MAF: variants seen among roughly 807,000 people sequenced by gnomAD.
MAF encodes the protein transcription factor Maf.
A neutral mutation model predicts 22.0 loss-of-function variants in MAF; 10 were observed. That is an observed-to-expected ratio of 0.45 (90% CI 0.28 to 0.77). The LOEUF is 0.77. Among genes scored for constraint, MAF ranks in the 30% least tolerant of loss-of-function variants. The pLI is 0.12. For missense variants in MAF, 544 were observed against 548.4 expected, an observed-to-expected ratio of 0.99 and a Z score of 0.08; for synonymous variants, 337 against 255.8, an observed-to-expected ratio of 1.32 and a Z score of -3.03.
chr16:79,318,090 T>C, the MAF span, among the ~76,000 whole-genome samples: 3 of 152,220 alleles, frequency 2.0e-5, no homozygotes, highest in Non-Finnish European at 4.4e-5. Context: ...TCCAAATATG[T>C]CTTGAGCACT....
the MAF span, among the ~76,000 whole-genome samples, chr16:79,570,919 A>G: frequency 6.6e-6 from 1 of 152,168 alleles, no homozygotes; most frequent in Non-Finnish European, 1.5e-5. Flanking sequence ...CACTTAACAG[A>G]TGCCGCCTGG....
chr16:79,338,034 G>C, the MAF span, among the ~76,000 whole-genome samples: 1,072 of 152,256 alleles, frequency 7.0e-3, 5 homozygotes, highest in Non-Finnish European at 0.012. Context: ...GAAATAAATA[G>C]GACGAGTCCC....
the MAF span, among the ~76,000 whole-genome samples, chr16:79,456,458 G>A: frequency 6.6e-6 from 1 of 152,174 alleles, no homozygotes; most frequent in Non-Finnish European, 1.5e-5. Context: ...AGGAATTAGA[G>A]CCTCAGGGGT....
At chr16:79,504,634 T>C in the MAF span, among the ~76,000 whole-genome samples, 4 of 151,970 alleles carry the variant, frequency 2.6e-5, no homozygotes, top group East Asian at 7.7e-4. Context: ...GATGGGTGAA[T>C]GGATGGATAA....
chr16:79,274,388 C>T, the MAF span, among the ~76,000 whole-genome samples: 1 of 152,056 alleles, frequency 6.6e-6, no homozygotes, highest in South Asian at 2.1e-4. Context: ...AGCTGAGATT[C>T]AGGTTGCGCA....
At chr16:79,435,168 A>G in the MAF span, among the ~76,000 whole-genome samples, 1 of 152,154 alleles carries the variant, frequency 6.6e-6, no homozygotes, top group Non-Finnish European at 1.5e-5. Context: ...ATACCTATGC[A>G]CGGACACACG....
At chr16:79,470,146 A>T in the MAF span, among the ~76,000 whole-genome samples, 1 of 152,200 alleles carries the variant, frequency 6.6e-6, no homozygotes, top group Non-Finnish European at 1.5e-5. Context: ...ATGTGCTTAC[A>T]TTTGGAACAT....
chr16:79,329,618 G>C, the MAF span, among the ~76,000 whole-genome samples: 2 of 152,148 alleles, frequency 1.3e-5, no homozygotes, highest in South Asian at 2.1e-4. Context: ...GTTCATATCA[G>C]TCACGGTGTC....
the MAF span, among the ~76,000 whole-genome samples, chr16:79,277,308 G>A: frequency 5.6e-4 from 85 of 152,286 alleles, no homozygotes; most frequent in South Asian, 0.017. Flanking sequence ...ACCTCAGTAT[G>A]ACTTTTGGGG....
the MAF span, among the ~76,000 whole-genome samples, chr16:79,555,001 A>C: frequency 2.6e-5 from 4 of 152,140 alleles, no homozygotes; most frequent in Non-Finnish European, 4.4e-5. Flanking sequence ...AGTCTGGTGA[A>C]GAACTGGTGG....
the MAF span, among the ~76,000 whole-genome samples, chr16:79,328,204 G>C: frequency 6.6e-6 from 1 of 151,900 alleles, no homozygotes. Context: ...TTTTTTCTTC[G>C]CTTATTTTCA....
intron 1 of MAF, chr16:79,595,808 T>C: frequency 9.5e-7 from 1 of 1,057,518 alleles, no homozygotes. Context: ...CCACTGAATA[T>C]TCACGGTGAA....
chr16:79,401,213 A>G, the MAF span, among the ~76,000 whole-genome samples: 3 of 152,172 alleles, frequency 2.0e-5, no homozygotes, highest in Non-Finnish European at 4.4e-5. Flanking sequence ...TCTTTAAGCT[A>G]AGTGCATTTC....
the MAF span, among the ~76,000 whole-genome samples, chr16:79,284,942 G>A: frequency 6.6e-6 from 1 of 152,142 alleles, no homozygotes. Context: ...ACGAAGGCAC[G>A]CGGCTCTCTT....
chr16:79,485,810 A>G, the MAF span, among the ~76,000 whole-genome samples: 3 of 152,182 alleles, frequency 2.0e-5, no homozygotes, highest in Non-Finnish European at 2.9e-5. Flanking sequence ...GCCAAACAGA[A>G]GTAAGCTACA....
the MAF span, among the ~76,000 whole-genome samples, chr16:79,487,560 A>G: frequency 6.6e-6 from 1 of 152,312 alleles, no homozygotes; most frequent in Admixed American, 6.5e-5. Context: ...AAAATGAAGA[A>G]AAAGAACAGG....
chr16:79,551,025 C>G, the MAF span, among the ~76,000 whole-genome samples: 1 of 152,142 alleles, frequency 6.6e-6, no homozygotes, highest in Non-Finnish European at 1.5e-5. Context: ...TGGGGAGCAG[C>G]AAACACCTAC....
the MAF span, chr16:79,211,565 CTTTTCTTAAAATTTT>C: frequency 6.2e-7 from 1 of 1,613,652 alleles, no homozygotes; most frequent in Non-Finnish European, 8.5e-7. Context: ...CTCATCACTC[CTTTTCTTAAAATTTT>C]TTTTTGTCTT....
At chr16:79,375,159 G>A in the MAF span, among the ~76,000 whole-genome samples, 5 of 152,310 alleles carry the variant, frequency 3.3e-5, no homozygotes, top group East Asian at 9.6e-4. Context: ...TGTAAAAAGT[G>A]GATGGCTATT....
Sources: allele counts gnomAD v4.1 joint callset (sites outside exome capture counted in the v4.1 genomes callset), GRCh38; gene constraint gnomAD v4.1.1; transcripts MANE v1.5; gene names NCBI Gene and HGNC (gene_info 2026-07-23, HGNC 2026-07-21).